VWA3B: variants seen among roughly 807,000 people sequenced by gnomAD.
VWA3B encodes von Willebrand factor A domain containing 3B, also known as von Willebrand factor A domain-containing protein 3B.
In VWA3B, 138 loss-of-function variants were observed where a neutral mutation model predicts 158.3. The observed-to-expected ratio is 0.87, with a 90% confidence interval of 0.76 to 1.00. The LOEUF (loss-of-function observed/expected upper bound fraction) is 1.00. Among genes scored for constraint, VWA3B ranks in the 50% least tolerant of loss-of-function variants. The probability of loss-of-function intolerance (pLI) is 0.00; values close to 1 mark genes in which losing one functional copy is unlikely to be tolerated. For synonymous variants in VWA3B, 596 were observed against 587.3 expected (o/e 1.01, Z -0.21); for missense variants, 1,555 against 1,565.1 (o/e 0.99, Z 0.11).
At position 98,087,757 on chromosome 2, in the gene VWA3B, G is replaced by A. The variant is rs534671716; in HGVS notation, c.-33+394G>A. ...GAAGAAACACATTTCCTGAACATAAGGATAAATATGTATAGTCTAAAAGCC... is the reference window on the plus strand; with the variant it reads ...GAAGAAACACATTTCCTGAACATAAAGATAAATATGTATAGTCTAAAAGCC... On this transcript the variant is annotated intron_variant, in intron 1 of 27. Coordinates refer to ENST00000477737, the MANE Select transcript of VWA3B (RefSeq NM_144992.5). 1.6e-4 allele frequency among the ~76,000 whole-genome samples: 25 copies of A among 152,296 alleles called. No homozygotes were observed. In the South Asian group the frequency reaches 2.1e-3, roughly 13 times the overall value.
chr2:98,100,823 A>G (rs879318809), intron 2 of VWA3B, among the ~76,000 whole-genome samples: 1 of 152,156 alleles, frequency 6.6e-6, no homozygotes, highest in Non-Finnish European at 1.5e-5. Context: ...CAGGTAAGGT[A>G]AAACTATCCT....
At chr2:98,323,096 G>T in the VWA3B span, among the ~76,000 whole-genome samples, 1 of 152,080 alleles carries the variant, frequency 6.6e-6, no homozygotes, top group Non-Finnish European at 1.5e-5. Flanking sequence ...AAAGAAACAG[G>T]AAAATGTATT....
chr2:98,177,252 G>A (rs1163593578), intron 8 of VWA3B, among the ~76,000 whole-genome samples: 1 of 152,180 alleles, frequency 6.6e-6, no homozygotes, highest in Non-Finnish European at 1.5e-5. Context: ...GGGGAGGACA[G>A]GGCTGGTCAA....
chr2:98,204,161 G>A (rs535292447), intron 12 of VWA3B, among the ~76,000 whole-genome samples: 1 of 152,360 alleles, frequency 6.6e-6, no homozygotes, highest in South Asian at 2.1e-4. Context: ...AGGGACAACT[G>A]TAGTTCTCAG....
intron 23 of VWA3B, among the ~76,000 whole-genome samples, chr2:98,292,449 G>C (rs535214540): frequency 1.2e-3 from 177 of 152,232 alleles, no homozygotes; most frequent in African/African-American, 4.0e-3. Flanking sequence ...ATGTGCTTGG[G>C]AGTTGCCTGG....
At chr2:98,314,530 C>A (rs1224053427), downstream of VWA3B, among the ~76,000 whole-genome samples, 2 of 152,166 alleles carry the variant, frequency 1.3e-5, no homozygotes, top group Admixed American at 6.5e-5. Context: ...GTGGTCCCAG[C>A]CTAACAAAGC....
chr2:98,180,853 C>T (rs931567817), intron 8 of VWA3B, among the ~76,000 whole-genome samples, 163 bp from the exon 9 acceptor site: 16 of 152,228 alleles, frequency 1.1e-4, no homozygotes, highest in African/African-American at 3.9e-4. Flanking sequence ...CATTAAAAGC[C>T]TAATAATTCT....
chr2:98,181,291 G>A, intron 9 of VWA3B, 79 bp downstream of exon 9: 1 of 1,473,386 alleles, frequency 6.8e-7, no homozygotes, highest in Non-Finnish European at 9.3e-7. Context: ...CGGGTCAGAA[G>A]GCAGGGGAAG....
chr2:98,311,829 G>A lies in VWA3B; in HGVS notation c.3532G>A (p.Glu1178Lys). The A allele has an allele frequency of 1.2e-6, 2 of 1,605,798 alleles. No homozygotes were observed. The highest frequency in any genetic ancestry group is 1.7e-6 in the Non-Finnish European group (2 of 1,176,204). The change falls in exon 27 of 28, where the codon GAG becomes AAG. Residue 1178 changes from glutamate to lysine, a missense_variant. Coordinates refer to ENST00000477737, the MANE Select transcript of VWA3B (RefSeq NM_144992.5). The part of the protein sequence containing the change: ...IPEDPEVEDV[E>K]ARNSAFLFWP... ...TCTCTCTGTCTCTAGAGAGGATGTG[G>A]AGGCGAGGAACTCTGCTTTCCTCTT...
intron 22 of VWA3B, among the ~76,000 whole-genome samples, chr2:98,273,759 G>T (rs1350139205): frequency 6.6e-6 from 1 of 152,194 alleles, no homozygotes; most frequent in African/African-American, 2.4e-5. Context: ...ACCATGGCCA[G>T]TCCCAGGTGT....
chr2:98,128,971 T>C (rs1429062423), intron 6 of VWA3B, among the ~76,000 whole-genome samples: 1 of 152,272 alleles, frequency 6.6e-6, no homozygotes, highest in Admixed American at 6.5e-5. Context: ...GTGGCCTGCG[T>C]GGCACGCTGT....
the VWA3B span, among the ~76,000 whole-genome samples, chr2:98,325,659 A>G: frequency 6.6e-6 from 1 of 152,232 alleles, no homozygotes; most frequent in African/African-American, 2.4e-5. Flanking sequence ...TATTTCCTTA[A>G]TATACATATA....
At chr2:98,293,623 C>G (rs1374177238) in intron 23 of VWA3B, among the ~76,000 whole-genome samples, 1 of 152,168 alleles carries the variant, frequency 6.6e-6, no homozygotes, top group Admixed American at 6.5e-5. Context: ...ATTTTATTCT[C>G]TCTTTCATAC....
chr2:98,294,498 A>G (rs1689688244), intron 23 of VWA3B, among the ~76,000 whole-genome samples: 1 of 152,246 alleles, frequency 6.6e-6, no homozygotes, highest in Non-Finnish European at 1.5e-5. Flanking sequence ...ACGTTATTCC[A>G]GGGGTCAGTG....
At chr2:98,285,389 T>A (rs915734199) in intron 22 of VWA3B, among the ~76,000 whole-genome samples, 1 of 152,174 alleles carries the variant, frequency 6.6e-6, no homozygotes, top group East Asian at 1.9e-4. Context: ...ATAATGCTGA[T>A]ATGAATCCTC....
At chr2:98,213,594 AC>A (rs1021473538) in intron 13 of VWA3B, among the ~76,000 whole-genome samples, 94 of 152,286 alleles carry the variant, frequency 6.2e-4, no homozygotes, top group African/African-American at 2.2e-3. Flanking sequence ...AGTCAGGATG[AC>A]TGATTCCTGG....
At chr2:98,152,084 T>G (rs753318616) in intron 7 of VWA3B, among the ~76,000 whole-genome samples, 10 of 152,188 alleles carry the variant, frequency 6.6e-5, no homozygotes, top group Non-Finnish European at 1.0e-4. Flanking sequence ...AATGAGTCCA[T>G]CTGTCAAGGT....
intron 14 of VWA3B, among the ~76,000 whole-genome samples, chr2:98,220,062 G>C (rs890810183): frequency 6.6e-6 from 1 of 151,400 alleles, no homozygotes; most frequent in Non-Finnish European, 1.5e-5. Flanking sequence ...ACTTTGGGGG[G>C]CTAAAGCGGG....
chr2:98,165,259 C>T (rs1372887298), intron 8 of VWA3B, among the ~76,000 whole-genome samples: 1 of 152,216 alleles, frequency 6.6e-6, no homozygotes, highest in Non-Finnish European at 1.5e-5. Context: ...ACAGGTGCTA[C>T]TGCTAGTATT....
Sources: gnomAD v4.1 joint callset for allele counts (sites outside exome capture counted in the v4.1 genomes callset) on GRCh38, gnomAD v4.1.1 for gene constraint, MANE v1.5 for transcripts, NCBI Gene and HGNC (gene_info 2026-07-23, HGNC 2026-07-21) for gene names.